PPP3CA: variants seen among roughly 807,000 people sequenced by gnomAD.
The protein encoded by PPP3CA is CAM-PRP catalytic subunit.
A neutral mutation model predicts 66.5 loss-of-function variants in PPP3CA; 14 were observed. The observed-to-expected ratio is 0.21, with a 90% confidence interval of 0.14 to 0.33. PPP3CA has a LOEUF of 0.33. PPP3CA is among the 10% of genes least tolerant of loss of function. PPP3CA has a pLI of 1.00. For synonymous variants in PPP3CA, 232 were observed against 226.2 expected (o/e 1.03, Z -0.23); for missense variants, 317 against 639.5 (o/e 0.50, Z 5.44).
At chr4:101,319,555 A>G (rs1426673103) in intron 1 of PPP3CA, among the ~76,000 whole-genome samples, 1 of 152,190 alleles carries the variant, frequency 6.6e-6, no homozygotes, top group Non-Finnish European at 1.5e-5. Context: ...CTAAATCATC[A>G]ATTTCAAATG....
chr4:101,094,587 G>A lies in PPP3CA; in HGVS notation c.643-672C>T, dbSNP rs188868161. On this transcript the variant is annotated intron_variant, in intron 5 of 13. Coordinates refer to ENST00000394854, the MANE Select transcript of PPP3CA (RefSeq NM_000944.5). ...TGGGTACAAATATGAGTAATGATAA[G>A]CAGTAAAATAAACTCAACTTTAGCG... Among the ~76,000 whole-genome samples the A allele has an allele frequency of 1.8e-4, 27 of 152,188 alleles. 1 individual carries two copies. Among genetic ancestry groups the A allele is most frequent in the African/African-American group, 6.5e-4 (27 of 41,550 alleles).
intron 1 of PPP3CA, chr4:101,330,394 G>A (rs1729345321): frequency 1.9e-6 from 1 of 530,382 alleles, no homozygotes; most frequent in Non-Finnish European, 3.9e-6. Context: ...TCCTTGAGAA[G>A]CAACTCAAAG....
chr4:101,239,056 G>A (rs929691495), intron 1 of PPP3CA, among the ~76,000 whole-genome samples: 21 of 152,032 alleles, frequency 1.4e-4, no homozygotes, highest in East Asian at 1.4e-3. Context: ...TGAAGGGCAG[G>A]AAACAGATTG....
intron 1 of PPP3CA, among the ~76,000 whole-genome samples, chr4:101,267,027 C>T (rs1727189623): frequency 6.6e-6 from 1 of 152,174 alleles, no homozygotes; most frequent in South Asian, 2.1e-4. Context: ...ACTGATAGGG[C>T]CATGGTGTGA....
intron 3 of PPP3CA, among the ~76,000 whole-genome samples, chr4:101,103,688 G>C (rs1462087428): frequency 2.0e-5 from 3 of 152,164 alleles, no homozygotes; most frequent in Admixed American, 2.0e-4. Context: ...TTGAGATCTG[G>C]ATCTAAGTTG....
chr4:101,091,017 A>G (rs968871691), intron 6 of PPP3CA, among the ~76,000 whole-genome samples: 1 of 151,874 alleles, frequency 6.6e-6, no homozygotes, highest in African/African-American at 2.4e-5. Flanking sequence ...CTAATGCCAT[A>G]ATATTATATA....
intron 1 of PPP3CA, among the ~76,000 whole-genome samples, chr4:101,229,775 C>A (rs1725900868): frequency 6.6e-6 from 1 of 151,372 alleles, no homozygotes; most frequent in Non-Finnish European, 1.5e-5. Context: ...GTGAAAAGGG[C>A]AGTAGGAATG....
intron 13 of PPP3CA, among the ~76,000 whole-genome samples, chr4:101,028,041 C>T (rs938183902): frequency 6.6e-6 from 1 of 152,164 alleles, no homozygotes; most frequent in Admixed American, 6.5e-5. Flanking sequence ...GCAGTTTATT[C>T]ACTGCTATTT....
chr4:101,280,095 C>T (rs1727631809), intron 1 of PPP3CA, among the ~76,000 whole-genome samples: 1 of 152,244 alleles, frequency 6.6e-6, no homozygotes, highest in South Asian at 2.1e-4. Context: ...AATGGGAACA[C>T]ATTAGCGAAT....
chr4:101,030,901 G>T (rs568132155), intron 12 of PPP3CA, among the ~76,000 whole-genome samples: 2 of 151,670 alleles, frequency 1.3e-5, no homozygotes, highest in Admixed American at 6.6e-5. Context: ...ACATGTAAAT[G>T]ATCCATTTAT....
intron 2 of PPP3CA, among the ~76,000 whole-genome samples, chr4:101,161,884 G>C (rs1242711345): frequency 6.6e-6 from 1 of 152,118 alleles, no homozygotes; most frequent in Non-Finnish European, 1.5e-5. Context: ...GCAGACATTT[G>C]ACTTGGCTAT....
intron 2 of PPP3CA, among the ~76,000 whole-genome samples, chr4:101,179,137 C>T (rs1724156735): frequency 1.3e-5 from 2 of 152,038 alleles, no homozygotes; most frequent in Non-Finnish European, 2.9e-5. Flanking sequence ...CCCACTCCCC[C>T]TCCATTTCAT....
At chr4:101,148,521 A>G (rs1723038103) in intron 2 of PPP3CA, among the ~76,000 whole-genome samples, 1 of 152,152 alleles carries the variant, frequency 6.6e-6, no homozygotes, top group African/African-American at 2.4e-5. Context: ...CAAATAGTGA[A>G]TTTCTTAGAG....
chr4:101,237,684 G>A (rs898076782), intron 1 of PPP3CA, among the ~76,000 whole-genome samples: 11 of 152,014 alleles, frequency 7.2e-5, no homozygotes, highest in Non-Finnish European at 1.2e-4. Context: ...CTTCTTGAAC[G>A]AACAGAGCAT....
At chr4:101,168,506 T>C (rs1723765802) in intron 2 of PPP3CA, among the ~76,000 whole-genome samples, 1 of 152,062 alleles carries the variant, frequency 6.6e-6, no homozygotes, top group Admixed American at 6.6e-5. Context: ...GCAGTGAATG[T>C]AGATAGAGGA....
At chr4:101,322,408 CTTT>C (rs1254595877) in intron 1 of PPP3CA, among the ~76,000 whole-genome samples, 15 of 134,090 alleles carry the variant, frequency 1.1e-4, no homozygotes, top group Non-Finnish European at 1.1e-4. Context: ...CTACTGACAT[CTTT>C]TTTTTTTTTT....
chr4:101,187,709 T>C (rs1189446248), intron 2 of PPP3CA, among the ~76,000 whole-genome samples: 2 of 152,176 alleles, frequency 1.3e-5, no homozygotes, highest in African/African-American at 4.8e-5. Context: ...TATCCAAATA[T>C]CCACTCAAAC....
intron 8 of PPP3CA, among the ~76,000 whole-genome samples, chr4:101,068,601 A>G (rs1242966893): frequency 6.6e-6 from 1 of 152,146 alleles, no homozygotes; most frequent in African/African-American, 2.4e-5. Context: ...ATATTCACAT[A>G]TATGCATACT....
At chr4:101,052,830 C>T (rs2110219203) in intron 10 of PPP3CA, among the ~76,000 whole-genome samples, 1 of 152,038 alleles carries the variant, frequency 6.6e-6, no homozygotes, top group Middle Eastern at 3.4e-3. Flanking sequence ...CATCAAAATT[C>T]ATAAAAGTTT....
Sources: allele counts gnomAD v4.1 joint callset (sites outside exome capture counted in the v4.1 genomes callset), GRCh38; gene constraint gnomAD v4.1.1; transcripts MANE v1.5; gene names NCBI Gene and HGNC (gene_info 2026-07-23, HGNC 2026-07-21).